The following SCARA3 variants were observed in gnomAD, a reference collection of about 807,000 sequenced individuals.
SCARA3 encodes the protein cellular stress response gene protein.
SCARA3 carries 39 observed loss-of-function variants against 47.0 expected under a neutral mutation model. The ratio of observed to expected loss-of-function variants is 0.83; its 90% confidence interval spans 0.64 to 1.08. The LOEUF (loss-of-function observed/expected upper bound fraction) is 1.08. SCARA3 is among the 50% of genes least tolerant of loss of function. SCARA3 has a pLI of 0.00. For synonymous variants in SCARA3, 356 were observed against 334.1 expected (o/e 1.07, Z -0.71); for missense variants, 724 against 792.3 (o/e 0.91, Z 1.04).
the SCARA3 span, among the ~76,000 whole-genome samples, chr8:27,691,300 C>T: frequency 6.6e-6 from 1 of 152,112 alleles, no homozygotes; most frequent in Non-Finnish European, 1.5e-5. Flanking sequence ...TGCGTCTGGA[C>T]CCCACCCCAA....
chr8:27,720,927 C>G, the SCARA3 span, among the ~76,000 whole-genome samples: 1 of 151,930 alleles, frequency 6.6e-6, no homozygotes, highest in African/African-American at 2.4e-5. Context: ...TGATTATCCA[C>G]TCATTCATCT....
In SCARA3 at chr8:27,671,551, C is replaced by T; in HGVS notation, c.*200C>T. Reference sequence around the variant, plus strand: ...CAGCCCCTCCTCACACATACATGTGCACATGCACACACATGCATGCACACA... The same window carrying T: ...CAGCCCCTCCTCACACATACATGTGTACATGCACACACATGCATGCACACA... On this transcript the variant is annotated 3_prime_UTR_variant, in exon 6 of 6. Coordinates refer to ENST00000301904, the MANE Select transcript of SCARA3 (RefSeq NM_016240.3). 2.3e-6 allele frequency: 3 copies of T among 1,282,292 alleles called. No individual in the cohort carries two copies. The highest frequency in any genetic ancestry group is 2.9e-6 in the Non-Finnish European group (3 of 1,019,580). 79.4% of individuals were successfully genotyped at this position (1,282,292 alleles called of 1,614,324 possible).
the SCARA3 span, among the ~76,000 whole-genome samples, chr8:27,713,363 A>T: frequency 6.6e-6 from 1 of 152,248 alleles, no homozygotes; most frequent in Non-Finnish European, 1.5e-5. Context: ...TTCATTTGTT[A>T]GATTACAAAT....
the SCARA3 span, among the ~76,000 whole-genome samples, chr8:27,683,678 A>G: frequency 1.3e-5 from 2 of 152,206 alleles, no homozygotes; most frequent in Admixed American, 6.5e-5. Context: ...AACATAGTCT[A>G]CAAAAACACT....
In SCARA3 at chr8:27,659,473, G is replaced by A. The variant is rs768916344; in HGVS notation, c.1303G>A (p.Val435Met). The change falls in exon 5 of 6, where the codon GTG becomes ATG. Residue 435 changes from valine to methionine, a missense_variant. Coordinates refer to ENST00000301904, the MANE Select transcript of SCARA3 (RefSeq NM_016240.3). ...CAACGTCCGGAACCTCTCCATGATCGTGGAGGAGATGAAGGCAGTGGACAC... is the reference window on the plus strand; with the variant it reads ...CAACGTCCGGAACCTCTCCATGATCATGGAGGAGATGAAGGCAGTGGACAC... ...DLNVRNLSMI[V>M]EEMKAVDTQH... 26 of 1,613,880 alleles carry A rather than the reference G, an allele frequency of 1.6e-5. No homozygotes were observed. The highest frequency in any genetic ancestry group is 1.8e-5 in the Non-Finnish European group (21 of 1,179,970).
the SCARA3 span, chr8:27,697,142 A>G: frequency 5.4e-6 from 1 of 185,816 alleles, no homozygotes; most frequent in African/African-American, 2.3e-5. Context: ...AGTGTCTGTA[A>G]AAGGCATCCT....
chr8:27,652,829 G>T (rs1236329863), intron 3 of SCARA3, among the ~76,000 whole-genome samples: 1 of 152,150 alleles, frequency 6.6e-6, no homozygotes, highest in Non-Finnish European at 1.5e-5. Flanking sequence ...AAATACTAGT[G>T]CCAGAGTACC....
At chr8:27,660,618 TGATAGATAGATA>T (rs10674215) in intron 5 of SCARA3, among the ~76,000 whole-genome samples, 32 of 130,882 alleles carry the variant, frequency 2.4e-4, no homozygotes, top group African/African-American at 8.4e-4. Flanking sequence ...TAGAGATAGA[TGATAGATAGATA>T]GATAGATAGA....
rs1390936935 is a variant in SCARA3 at position 27,672,693 on chromosome 8, T to A, written c.*1342T>A. 1 of 985,566 alleles carries A rather than the reference T, an allele frequency of 1.0e-6. No homozygotes were observed. The highest frequency in any genetic ancestry group is 6.1e-5 in the Admixed American group (1 of 16,276). The allele number at this position is 985,566 out of a possible 1,614,324, so 61.1% of individuals were successfully genotyped here. ...GCACCCACCAACTTCCTGCACACACTGGCAGAGAGGGGCGCTGGGAAATCA... is the reference window on the plus strand; with the variant it reads ...GCACCCACCAACTTCCTGCACACACAGGCAGAGAGGGGCGCTGGGAAATCA... On this transcript the variant is annotated 3_prime_UTR_variant, in exon 6 of 6. Transcript: ENST00000301904.
At chr8:27,670,139 A>G (rs548963112) in intron 5 of SCARA3, among the ~76,000 whole-genome samples, 12 of 152,290 alleles carry the variant, frequency 7.9e-5, no homozygotes, top group Non-Finnish European at 1.2e-4. Flanking sequence ...AGGAGGGTCC[A>G]TGGCTGCTTG....
chr8:27,701,245 A>G, the SCARA3 span: 1 of 152,234 alleles, frequency 6.6e-6, no homozygotes, highest in Admixed American at 6.5e-5. Context: ...TACAGAAATC[A>G]GGTAAGTGGT....
At chr8:27,688,804 T>C in the SCARA3 span, among the ~76,000 whole-genome samples, 3 of 152,162 alleles carry the variant, frequency 2.0e-5, no homozygotes, top group African/African-American at 7.2e-5. Flanking sequence ...ACTTTAAACA[T>C]CTAAAGTAGG....
chr8:27,671,162 GC>G lies in SCARA3; in HGVS notation c.1637del (p.Pro546GlnfsTer118). The G allele has an allele frequency of 6.5e-7, 1 of 1,532,208 alleles. No individual in the cohort carries two copies. 94.9% of individuals were successfully genotyped at this position (1,532,208 alleles called of 1,614,324 possible). A position where few individuals can be genotyped will look rare whatever the true frequency, so the allele number is the denominator to read the frequency against. ...GQPGPKGDIG[P>X]PGPEGPPGSP... is the part of the protein sequence containing the mutation. ...AGCCAGGCCCAAAAGGGGACATAGG[GC>G]CCCCAGGGCCAGAAGGGCCCCCGGG... On this transcript the variant is annotated frameshift_variant, in exon 6 of 6. Transcript: ENST00000301904. LOFTEE classifies it high-confidence loss of function.
At chr8:27,716,084 T>C in the SCARA3 span, among the ~76,000 whole-genome samples, 705 of 152,080 alleles carry the variant, frequency 4.6e-3, 4 homozygotes, top group African/African-American at 0.016. Context: ...GGCAGGAGGA[T>C]CACTTGGGAC....
chr8:27,660,172 C>T (rs1029525295), intron 5 of SCARA3, among the ~76,000 whole-genome samples: 10 of 151,700 alleles, frequency 6.6e-5, no homozygotes, highest in Non-Finnish European at 1.3e-4. Flanking sequence ...CCTTATTTAT[C>T]AGGGTTCTCC....
intron 1 of SCARA3, among the ~76,000 whole-genome samples, chr8:27,642,452 A>C (rs1801402717): frequency 6.6e-6 from 1 of 152,212 alleles, no homozygotes; most frequent in African/African-American, 2.4e-5. Flanking sequence ...CATGAAACTC[A>C]GAGGAGGGAA....
chr8:27,671,063 C>T lies in SCARA3; in HGVS notation c.1533C>T (p.Gly511=), dbSNP rs376204195. 6.2e-6 allele frequency: 10 copies of T among 1,612,010 alleles called. No individual in the cohort carries two copies. The highest frequency in any genetic ancestry group is 2.2e-5 in the South Asian group (2 of 91,022). The change falls in exon 6 of 6, where the codon GGC becomes GGT. Residue 511 remains glycine, a synonymous_variant. Transcript: ENST00000301904. ...PGEAGPVGER[G]PVGPRGFPGL... ...AGGCCGGGCCTGTGGGAGAAAGGGG[C>T]CCTGTTGGCCCTCGAGGGTTCCCAG... is the stretch of plus-strand genomic sequence containing the variant.
chr8:27,697,957 C>T, the SCARA3 span, among the ~76,000 whole-genome samples: 2 of 152,186 alleles, frequency 1.3e-5, no homozygotes, highest in African/African-American at 4.8e-5. Flanking sequence ...TGAGAACAGA[C>T]TAATACACTT....
At chr8:27,721,187 C>T in the SCARA3 span, among the ~76,000 whole-genome samples, 1 of 151,224 alleles carries the variant, frequency 6.6e-6, no homozygotes, top group East Asian at 2.0e-4. Flanking sequence ...AGCTCTATTC[C>T]ACCTCACATC....
Sources: allele counts gnomAD v4.1 joint callset (sites outside exome capture counted in the v4.1 genomes callset), GRCh38; gene constraint gnomAD v4.1.1; transcripts MANE v1.5; gene names NCBI Gene and HGNC (gene_info 2026-07-23, HGNC 2026-07-21).